TRPM1: variants seen among roughly 807,000 people sequenced by gnomAD.
TRPM1 encodes the protein transient receptor potential cation channel subfamily M member 1.
In TRPM1, 113 loss-of-function variants were observed where a neutral mutation model predicts 149.4. The observed-to-expected ratio is 0.76, with a 90% CI of 0.65 to 0.88. The LOEUF is 0.88. Ranked by LOEUF, TRPM1 falls within the 40% of genes least tolerant of loss-of-function variation. The pLI, the probability that TRPM1 is intolerant of heterozygous loss-of-function variation, is 0.00. For missense variants in TRPM1, 1,976 were observed against 2,038.7 expected (o/e 0.97, Z 0.59); for synonymous variants, 741 against 759.5 (o/e 0.98, Z 0.40).
chr15:31,051,043 CT>C (rs2033936286), intron 11 of TRPM1, among the ~76,000 whole-genome samples: 1 of 152,214 alleles, frequency 6.6e-6, no homozygotes, highest in African/African-American at 2.4e-5. Flanking sequence ...ATGGATAGAA[CT>C]GAGGATGCCT....
At chr15:31,035,503 A>G in intron 21 of TRPM1, 43 bp downstream of exon 21, 2 of 1,613,618 alleles carry the variant, frequency 1.2e-6, no homozygotes, top group South Asian at 1.1e-5. Context: ...CTGCATTTGC[A>G]GTCAGCGGTT....
chr15:31,061,697 T>C (rs1313352596), intron 9 of TRPM1, among the ~76,000 whole-genome samples, 183 bp from the exon 10 acceptor site: 1 of 152,052 alleles, frequency 6.6e-6, no homozygotes, highest in Non-Finnish European at 1.5e-5. Flanking sequence ...TTTTGTTTTT[T>C]TTTTGAGATG....
intron 1 of TRPM1, among the ~76,000 whole-genome samples, chr15:31,098,120 A>C (rs1398234747): frequency 6.6e-6 from 1 of 152,150 alleles, no homozygotes; most frequent in African/African-American, 2.4e-5. Context: ...TGCTATTTCT[A>C]TTAGGCAGCA....
chr15:31,083,920 G>A (rs2034929016), intron 1 of TRPM1, among the ~76,000 whole-genome samples: 1 of 152,190 alleles, frequency 6.6e-6, no homozygotes, highest in Non-Finnish European at 1.5e-5. Flanking sequence ...TGAGAGCCTA[G>A]TGACACCATG....
At chr15:31,026,393 C>T (rs2032756864) in intron 26 of TRPM1, 122 bp from the exon 27 acceptor site, 3 of 1,177,880 alleles carry the variant, frequency 2.5e-6, no homozygotes, top group South Asian at 1.3e-5. Flanking sequence ...TAAGGCAGTT[C>T]GCCACTACTC....
At chr15:31,082,661 G>C (rs1359425801) in intron 1 of TRPM1, among the ~76,000 whole-genome samples, 1 of 152,156 alleles carries the variant, frequency 6.6e-6, no homozygotes, top group East Asian at 1.9e-4. Flanking sequence ...TGGGCTGAAG[G>C]GCAATGGGAA....
intron 7 of TRPM1, 87 bp downstream of exon 7, chr15:31,065,989 C>T: frequency 2.0e-6 from 3 of 1,491,666 alleles, no homozygotes; most frequent in Non-Finnish European, 2.8e-6. Flanking sequence ...TCTTCTAATC[C>T]CCTTGGGCAA....
intron 1 of TRPM1, among the ~76,000 whole-genome samples, chr15:31,088,879 C>T (rs1225087101): frequency 2.6e-5 from 4 of 152,198 alleles, no homozygotes; most frequent in East Asian, 3.9e-4. Context: ...ATTTGGCCCC[C>T]CCGAGCGGGA....
At chr15:31,157,812 C>T (rs2036396568) in intron 1 of TRPM1, among the ~76,000 whole-genome samples, 1 of 152,176 alleles carries the variant, frequency 6.6e-6, no homozygotes, top group Non-Finnish European at 1.5e-5. Flanking sequence ...AGGGTCAGAT[C>T]TGCCTTGTAC....
intron 1 of TRPM1, among the ~76,000 whole-genome samples, chr15:31,113,431 A>ACT (rs1491391645): frequency 1.1e-5 from 1 of 89,358 alleles, no homozygotes; most frequent in African/African-American, 4.0e-5. Flanking sequence ...CAGCTCTGAC[A>ACT]GTTTTTTTTT....
rs2033977120 is a variant in TRPM1, at chr15:31,052,659, C to T, written c.1264-2077G>A. 2.6e-5 allele frequency among the ~76,000 whole-genome samples: 4 copies of T among 152,080 alleles called. No homozygotes were observed. In the South Asian group the frequency reaches 8.3e-4, roughly 32 times the overall value. ...ACATGGTGGTGGGTGCCTGTAATCC[C>T]AGCTACTTAGGAGGCTGAGGCAGGA... On this transcript the variant is annotated intron_variant, in intron 11 of 27. Transcript: ENST00000256552.
chr15:31,034,762 A>G (rs2033267797), intron 21 of TRPM1, among the ~76,000 whole-genome samples: 1 of 152,188 alleles, frequency 6.6e-6, no homozygotes, highest in South Asian at 2.1e-4. Flanking sequence ...CTCTGATCCC[A>G]AATAACTAAG....
chr15:31,003,830 G>A (rs1245050428), intron 27 of TRPM1, among the ~76,000 whole-genome samples: 1 of 151,736 alleles, frequency 6.6e-6, no homozygotes, highest in Non-Finnish European at 1.5e-5. Flanking sequence ...AAAAGAGCAT[G>A]GGAGATTATA....
intron 1 of TRPM1, among the ~76,000 whole-genome samples, chr15:31,152,663 G>C (rs1462452557): frequency 6.6e-6 from 1 of 152,192 alleles, no homozygotes; most frequent in Non-Finnish European, 1.5e-5. Context: ...GTGTGTGTGA[G>C]ACAGGGTCTG....
intron 1 of TRPM1, among the ~76,000 whole-genome samples, chr15:31,089,970 T>C (rs977001454): frequency 6.6e-6 from 1 of 152,052 alleles, no homozygotes; most frequent in African/African-American, 2.4e-5. Context: ...TGTGTTTGGT[T>C]TTTCTTTGCT....
At chr15:31,149,162 G>C (rs371975336) in intron 1 of TRPM1, among the ~76,000 whole-genome samples, 1 of 152,208 alleles carries the variant, frequency 6.6e-6, no homozygotes, top group East Asian at 1.9e-4. Flanking sequence ...GGGGAGGCCA[G>C]GCAAGAAGCA....
chr15:31,133,417 A>AT (rs2036047103), intron 1 of TRPM1, among the ~76,000 whole-genome samples: 1 of 151,530 alleles, frequency 6.6e-6, no homozygotes, highest in Non-Finnish European at 1.5e-5. Context: ...AAAGTAAAAA[A>AT]AATTAGCCAA....
chr15:31,069,750 T>A (rs1180054452), intron 4 of TRPM1: 55 of 1,439,736 alleles, frequency 3.8e-5, no homozygotes, highest in Non-Finnish European at 4.7e-5. Context: ...GATGGAGCAA[T>A]GGAGTGTGTT....
At chr15:31,088,521 C>T (rs982593769) in intron 1 of TRPM1, among the ~76,000 whole-genome samples, 2 of 152,158 alleles carry the variant, frequency 1.3e-5, no homozygotes, top group Admixed American at 6.6e-5. Context: ...ACTCTGGATG[C>T]GCCACCTTTA....
Sources: allele counts gnomAD v4.1 joint callset (sites outside exome capture counted in the v4.1 genomes callset), GRCh38; gene constraint gnomAD v4.1.1; transcripts MANE v1.5; gene names NCBI Gene and HGNC (gene_info 2026-07-23, HGNC 2026-07-21).